Variants in SNRK observed in about 807,000 individuals in gnomAD.
SNRK encodes SNF-related serine/threonine-protein kinase.
Under a neutral mutation model 48.2 loss-of-function variants are expected in SNRK, and 3 were observed. The observed-to-expected ratio is 0.06, with a 90% CI of 0.03 to 0.16. SNRK has a LOEUF of 0.16. Ranked by LOEUF, SNRK falls within the 10% of genes least tolerant of loss-of-function variation. The probability of loss-of-function intolerance (pLI) is 1.00; values close to 1 mark genes in which losing one functional copy is unlikely to be tolerated. For missense variants in SNRK, 627 were observed against 976.0 expected, an observed-to-expected ratio of 0.64 and a Z score of 4.76; for synonymous variants, 376 against 366.1, an observed-to-expected ratio of 1.03 and a Z score of -0.31.
chr3:43,286,877 C>G (rs1405415143), intron 1 of SNRK, among the ~76,000 whole-genome samples: 1 of 145,240 alleles, frequency 6.9e-6, no homozygotes, highest in Non-Finnish European at 1.5e-5. Flanking sequence ...GCTGCGGTGG[C>G]CCGGACCCCG....
chr3:43,289,628 G>C (rs2090794435), intron 1 of SNRK: 1 of 152,710 alleles, frequency 6.5e-6, no homozygotes, highest in African/African-American at 2.4e-5. Context: ...TTGGGTTGTG[G>C]CTCTGTGTCT....
chr3:43,311,537 G>A (rs2090978887), intron 3 of SNRK, among the ~76,000 whole-genome samples: 1 of 152,130 alleles, frequency 6.6e-6, no homozygotes, highest in African/African-American at 2.4e-5. Context: ...GAAAGGATAG[G>A]GGGAAAAAGG....
chr3:43,307,471 G>T (rs983460766), intron 3 of SNRK, among the ~76,000 whole-genome samples: 61 of 152,246 alleles, frequency 4.0e-4, no homozygotes, highest in African/African-American at 1.4e-3. Context: ...AACAGCATAT[G>T]CTGACATCAT....
In SNRK at chr3:43,343,333, G is replaced by C. The variant is rs1248050589; in HGVS notation, c.945-11G>C. On this transcript the variant is annotated splice_polypyrimidine_tract_variant and intron_variant, in intron 5 of 6. Transcript: ENST00000296088. Reference sequence around the variant, plus strand: ...TATGGCTGACGTTTGCTCTCACCTTGTTTTCCTCAGAGCCCTGGAAACCAA... The same window carrying C: ...TATGGCTGACGTTTGCTCTCACCTTCTTTTCCTCAGAGCCCTGGAAACCAA... 2 of 1,592,284 alleles carry C rather than the reference G, an allele frequency of 1.3e-6. No homozygotes were observed. Among genetic ancestry groups the C allele is most frequent in the Non-Finnish European group, 1.7e-6 (2 of 1,172,406 alleles).
At chr3:43,312,668 C>T (rs1202857708) in intron 3 of SNRK, among the ~76,000 whole-genome samples, 1 of 152,160 alleles carries the variant, frequency 6.6e-6, no homozygotes, top group African/African-American at 2.4e-5. Context: ...ACTGTTTCTG[C>T]TTCCAGATGA....
intron 2 of SNRK, 104 bp downstream of exon 2, chr3:43,299,919 A>G (rs1006450784): frequency 2.0e-5 from 3 of 152,586 alleles, no homozygotes; most frequent in Non-Finnish European, 4.4e-5. Context: ...CAAGATCCTC[A>G]GAGATCAAAA....
intron 3 of SNRK, among the ~76,000 whole-genome samples, chr3:43,322,680 C>T (rs950065749): frequency 6.6e-6 from 1 of 152,156 alleles, no homozygotes; most frequent in African/African-American, 2.4e-5. Context: ...AGGCCGGGTG[C>T]AGTGGCTCAT....
chr3:43,347,365 T>C lies in SNRK; in HGVS notation c.1106T>C (p.Val369Ala). Reference protein sequence around the residue: ...FRQSWPTKIDVPQDLEDDLTA... With the variant: ...FRQSWPTKIDAPQDLEDDLTA... Reference sequence around the variant, plus strand: ...CAGTCATGGCCAACCAAAATTGATGTACCCCAGGACCTTGAGGATGACCTC... The same window carrying C: ...CAGTCATGGCCAACCAAAATTGATGCACCCCAGGACCTTGAGGATGACCTC... Residue 369 changes from valine (V) to alanine (A), a missense_variant, in exon 7 of 7, where the codon GTA becomes GCA. Around this residue, in one of 4 missense-constraint regions of SNRK, gnomAD observed 175 missense variants for 209.7 expected, o/e 0.83. Transcript: ENST00000296088. The surrounding 1 kb of genome is among the most constrained non-coding windows in gnomAD (Gnocchi z 5.4). The C allele has an allele frequency of 1.3e-6, 2 of 1,575,148 alleles. No homozygotes were observed. The highest frequency in any genetic ancestry group is 1.7e-6 in the Non-Finnish European group (2 of 1,161,666).
At chr3:43,341,095 C>A (rs2091232392) in intron 5 of SNRK, among the ~76,000 whole-genome samples, 1 of 152,182 alleles carries the variant, frequency 6.6e-6, no homozygotes, top group Admixed American at 6.5e-5. Flanking sequence ...CTGGAGCCTG[C>A]AAGTTATACA....
chr3:43,310,349 T>G (rs1359319135), intron 3 of SNRK, among the ~76,000 whole-genome samples: 1 of 152,170 alleles, frequency 6.6e-6, no homozygotes. Flanking sequence ...TTTCTCTCTG[T>G]GTTGGCGTCC....
rs780716662 is a variant in SNRK, at chr3:43,348,139, C to T, written c.1880C>T (p.Ala627Val). The T allele has an allele frequency of 6.3e-7, 1 of 1,578,484 alleles. No individual in the cohort carries two copies. The highest frequency in any genetic ancestry group is 8.6e-7 in the Non-Finnish European group (1 of 1,163,260). ...ACATCGGGTACCACACGCCGCTGTG[C>T]CGGCCCCAGCAACTCCATGCAGCTG... ...TNTSGTTRRCAGPSNSMQLAS... is the reference protein window; with the variant it reads ...TNTSGTTRRCVGPSNSMQLAS... Residue 627 changes from alanine (A) to valine (V), a missense_variant, in exon 7 of 7, where the codon GCC becomes GTC. This residue lies in a region of SNRK where 207 missense variants were observed against 234.3 expected (regional missense o/e 0.88). Transcript: ENST00000296088.
chr3:43,302,665 G>C lies in SNRK; in HGVS notation c.-106-433G>C, dbSNP rs148319466. Among the ~76,000 whole-genome samples, 1,329 of 150,058 alleles carry C rather than the reference G, an allele frequency of 8.9e-3. 8 individuals are homozygous for C. The highest frequency in any genetic ancestry group is 0.014 in the Middle Eastern group (4 of 284). On this transcript the variant is annotated intron_variant, in intron 2 of 6. Transcript: ENST00000296088. ...TTTTTTTTTTTTTTTTGCACTTAAA[G>C]GAAGTGGTGTTGGTCTTGGGGAAAC...
At chr3:43,332,082 C>A in intron 3 of SNRK, 87 bp from the exon 4 acceptor site, 2 of 1,066,360 alleles carry the variant, frequency 1.9e-6, no homozygotes, top group Non-Finnish European at 2.5e-6. Context: ...TTTGACTGCT[C>A]AAGATAAAAT....
chr3:43,290,338 T>C (rs2090801491), intron 1 of SNRK, among the ~76,000 whole-genome samples: 1 of 152,206 alleles, frequency 6.6e-6, no homozygotes, highest in Non-Finnish European at 1.5e-5. Context: ...ATTTGAATTG[T>C]TTTTCAATCA....
intron 4 of SNRK, among the ~76,000 whole-genome samples, chr3:43,338,474 CG>C (rs1322916007): frequency 6.6e-6 from 1 of 152,216 alleles, no homozygotes; most frequent in African/African-American, 2.4e-5. Flanking sequence ...CTTGTCTCCA[CG>C]TAGGTGTCCT....
At chr3:43,322,699 T>C (rs1400196967) in intron 3 of SNRK, among the ~76,000 whole-genome samples, 1 of 152,076 alleles carries the variant, frequency 6.6e-6, no homozygotes. Flanking sequence ...ATGCCTGTAA[T>C]CCGAGCACTT....
rs373879233 is a variant in SNRK, at chr3:43,314,369, G to A, written c.589+10577G>A. 2.0e-5 allele frequency among the ~76,000 whole-genome samples: 3 copies of A among 152,088 alleles called. No homozygotes were observed. The East Asian group carries it at 5.8e-4, about 29-fold the overall frequency. ...ATCCCTGGTCTATCTGAAATGAATT[G>A]CCTTGTCTTGTGAAAAGGTAAATTA... On this transcript the variant is annotated intron_variant, in intron 3 of 6. Coordinates refer to ENST00000296088, the MANE Select transcript of SNRK (RefSeq NM_017719.5).
chr3:43,346,796 T>A (rs932325267), intron 6 of SNRK: 1 of 152,164 alleles, frequency 6.6e-6, no homozygotes, highest in Non-Finnish European at 1.5e-5. Flanking sequence ...GAGAAGAGAT[T>A]TTTATATGTT....
In SNRK at chr3:43,316,411, C is replaced by T. The variant is rs150492719; in HGVS notation, c.589+12619C>T. Reference sequence around the variant, plus strand: ...GAGATTGTGATTCACATTGACTTGGCTTAGGGTCATATTCAGAAGCTTCCA... The same window carrying T: ...GAGATTGTGATTCACATTGACTTGGTTTAGGGTCATATTCAGAAGCTTCCA... On this transcript the variant is annotated intron_variant, in intron 3 of 6. Transcript: ENST00000296088. 3.0e-3 allele frequency among the ~76,000 whole-genome samples: 463 copies of T among 152,052 alleles called. 4 individuals carry two copies. The highest frequency in any genetic ancestry group is 0.011 in the African/African-American group (441 of 41,486).
Sources: allele counts gnomAD v4.1 joint callset (sites outside exome capture counted in the v4.1 genomes callset), GRCh38; gene constraint gnomAD v4.1.1; regional missense constraint gnomAD v4.1.1; non-coding constraint Gnocchi (gnomAD v3.1); transcripts MANE v1.5; gene names NCBI Gene and HGNC (gene_info 2026-07-23, HGNC 2026-07-21).